The following DYM variants were observed in gnomAD, a reference collection of about 807,000 sequenced individuals.
DYM encodes the protein dyggve-Melchior-Clausen syndrome protein.
Under a neutral mutation model 93.1 loss-of-function variants are expected in DYM, and 78 were observed. That is an observed-to-expected ratio of 0.84 (90% CI 0.70 to 1.01). DYM has a LOEUF of 1.01. DYM is among the 50% of genes least tolerant of loss of function. The probability of loss-of-function intolerance (pLI) is 0.00; values close to 1 mark genes in which losing one functional copy is unlikely to be tolerated. For missense variants in DYM, 789 were observed against 845.0 expected, an observed-to-expected ratio of 0.93 and a Z score of 0.82; for synonymous variants, 321 against 319.7, an observed-to-expected ratio of 1.00 and a Z score of -0.04.
At chr18:49,171,672 ACT>A (rs1287137150) in intron 14 of DYM, among the ~76,000 whole-genome samples, 1 of 152,082 alleles carries the variant, frequency 6.6e-6, no homozygotes, top group African/African-American at 2.4e-5. Flanking sequence ...ATCTGTAGAC[ACT>A]GATTCCCTCT....
chr18:49,317,551 T>TTCTC lies in DYM; in HGVS notation c.763+14309_763+14312dup, dbSNP rs796373730. Among the ~76,000 whole-genome samples, 55 of 29,334 alleles carry TTCTC rather than the reference T, an allele frequency of 1.9e-3. 3 individuals carry two copies. Among genetic ancestry groups the TTCTC allele is most frequent in the Non-Finnish European group, 2.0e-3 (32 of 15,886 alleles). The allele number at this position is 29,334 out of a possible 152,430, so 19.2% of individuals were successfully genotyped here. ...TGCCCTAGTCCTTAGCCATCTAGAT[T>TTCTC]TCTCTCTCTCTCTCTCTCTCTCTCT... On this transcript the variant is annotated intron_variant, in intron 8 of 17. Coordinates refer to ENST00000675505, the MANE Select transcript of DYM (RefSeq NM_001353214.3).
intron 13 of DYM, among the ~76,000 whole-genome samples, chr18:49,250,757 C>A (rs2094268548): frequency 6.6e-6 from 1 of 152,200 alleles, no homozygotes; most frequent in African/African-American, 2.4e-5. Context: ...ACACAAAGAA[C>A]TGCCTCAACT....
chr18:49,317,196 A>G (rs1229691910), intron 8 of DYM, among the ~76,000 whole-genome samples: 2 of 152,210 alleles, frequency 1.3e-5, no homozygotes. Flanking sequence ...TTTTCTGTAA[A>G]CCTAGAACTG....
chr18:49,049,070 C>T (rs1279300441), intron 17 of DYM, among the ~76,000 whole-genome samples: 1 of 152,138 alleles, frequency 6.6e-6, no homozygotes. Flanking sequence ...CTTTATCTGT[C>T]AAGAGAAGAC....
intron 3 of DYM, among the ~76,000 whole-genome samples, chr18:49,380,598 C>T (rs1428327182): frequency 6.6e-6 from 1 of 152,196 alleles, no homozygotes; most frequent in Non-Finnish European, 1.5e-5. Context: ...AAATCTTTGA[C>T]TTTAAACTGC....
At chr18:49,182,505 C>A (rs2090023695) in intron 14 of DYM, among the ~76,000 whole-genome samples, 1 of 152,186 alleles carries the variant, frequency 6.6e-6, no homozygotes, top group Non-Finnish European at 1.5e-5. Flanking sequence ...TCTTGATACA[C>A]TGATTCCTTC....
intron 13 of DYM, among the ~76,000 whole-genome samples, chr18:49,235,348 AC>A (rs1052895262): frequency 2.0e-4 from 31 of 152,310 alleles, no homozygotes; most frequent in African/African-American, 7.5e-4. Flanking sequence ...TCACAGTTGA[AC>A]CTAAATCTGA....
chr18:49,443,000 G>T (rs2081783885), intron 1 of DYM, among the ~76,000 whole-genome samples: 1 of 151,784 alleles, frequency 6.6e-6, no homozygotes, highest in Non-Finnish European at 1.5e-5. Context: ...TGGGACTACA[G>T]GCATGCACCA....
chr18:49,201,653 G>C (rs1048693738), intron 14 of DYM, among the ~76,000 whole-genome samples: 2 of 152,200 alleles, frequency 1.3e-5, no homozygotes, highest in African/African-American at 4.8e-5. Context: ...AGATAAATCT[G>C]TTTTTGCCAA....
In DYM at chr18:49,292,592, GAAAAAAAAAAAAAAAAAA is replaced by G. The variant is rs72415237; in HGVS notation, c.764-5994_764-5977del. 4.1e-4 allele frequency among the ~76,000 whole-genome samples: 32 copies of G among 78,784 alleles called. 1 individual carries two copies. Among genetic ancestry groups the G allele is most frequent in the East Asian group, 1.5e-3 (5 of 3,234 alleles). 51.7% of individuals were successfully genotyped at this position (78,784 alleles called of 152,430 possible). A position where few individuals can be genotyped will look rare whatever the true frequency, so the allele number is the denominator to read the frequency against. On this transcript the variant is annotated intron_variant, in intron 8 of 17. Coordinates refer to ENST00000675505, the MANE Select transcript of DYM (RefSeq NM_001353214.3). Reference sequence around the variant, plus strand: ...TTAGTGGAATTGCATTTTCCTGTTGGAAAAAAAAAAAAAAAAAAAAAAAAAAAAAAAAACCCCCACAAA... The same window carrying G: ...TTAGTGGAATTGCATTTTCCTGTTGGAAAAAAAAAAAAAAACCCCCACAAA...
intron 13 of DYM, among the ~76,000 whole-genome samples, chr18:49,220,488 T>G (rs1198784638): frequency 1.3e-5 from 2 of 150,972 alleles, no homozygotes; most frequent in African/African-American, 4.9e-5. Context: ...GGCATCACGC[T>G]ACCTGACTTC....
intron 15 of DYM, among the ~76,000 whole-genome samples, chr18:49,128,749 T>A (rs956990596): frequency 6.6e-6 from 1 of 152,166 alleles, no homozygotes; most frequent in African/African-American, 2.4e-5. Context: ...TCAGGGTAAC[T>A]TCAAACTTCA....
chr18:49,221,758 G>T (rs1001872792), intron 13 of DYM, among the ~76,000 whole-genome samples: 1 of 152,050 alleles, frequency 6.6e-6, no homozygotes, highest in Admixed American at 6.6e-5. Flanking sequence ...GACTGTTGTG[G>T]GGTGGGGGAA....
chr18:49,368,826 A>G (rs910543335), intron 5 of DYM: 1 of 152,208 alleles, frequency 6.6e-6, no homozygotes, highest in African/African-American at 2.4e-5. Flanking sequence ...GTCTGGGGAG[A>G]ATGGAAAGGA....
At chr18:49,304,846 A>T (rs1439447203) in intron 8 of DYM, among the ~76,000 whole-genome samples, 2 of 152,058 alleles carry the variant, frequency 1.3e-5, no homozygotes, top group African/African-American at 4.8e-5. Context: ...CCCTGCAGAC[A>T]AGGCACCCAA....
chr18:49,442,758 A>T (rs1403651502), intron 1 of DYM, among the ~76,000 whole-genome samples: 1 of 152,190 alleles, frequency 6.6e-6, no homozygotes, highest in South Asian at 2.1e-4. Context: ...CACTCACCAC[A>T]AACTATGGCG....
In DYM at chr18:49,097,427, A is replaced by C. The variant is rs2079645768; in HGVS notation, c.2000T>G (p.Val667Gly). The change falls in exon 17 of 18, where the codon GTT (valine) becomes GGT (glycine). Residue 667 changes from valine (V) to glycine (G), a missense_variant. This residue lies in a region of DYM where 114 missense variants were observed against 105.8 expected (regional missense o/e 1.08). Transcript: ENST00000675505. ...CTTCAGTCTGTCTTTGGGCAGCGCA[A>C]CGACGCCTTGCTTAATGATTTCCAG... ...RVLEIIKQGV[V>G]ALPKDRLKKF... 2.5e-6 allele frequency: 4 copies of C among 1,613,906 alleles called. No homozygotes were observed. The highest frequency in any genetic ancestry group is 3.4e-6 in the Non-Finnish European group (4 of 1,179,924).
chr18:49,192,471 G>A (rs1048641766), intron 14 of DYM, among the ~76,000 whole-genome samples: 9 of 152,078 alleles, frequency 5.9e-5, no homozygotes, highest in Non-Finnish European at 1.2e-4. Context: ...GTAAGGGTTC[G>A]ATTTCCCTCT....
At chr18:49,223,194 G>A (rs185559849) in intron 13 of DYM, among the ~76,000 whole-genome samples, 4 of 152,242 alleles carry the variant, frequency 2.6e-5, no homozygotes, top group Middle Eastern at 3.4e-3. Context: ...CTGTAAGACT[G>A]CTTACCTGTT....
Sources: gnomAD v4.1 joint callset for allele counts (sites outside exome capture counted in the v4.1 genomes callset) on GRCh38, gnomAD v4.1.1 for gene constraint, gnomAD v4.1.1 regional missense constraint, MANE v1.5 for transcripts, NCBI Gene and HGNC (gene_info 2026-07-23, HGNC 2026-07-21) for gene names.